Variants in ATG7 observed in about 807,000 individuals in gnomAD.
ATG7 encodes the protein autophagy related 7, also known as ubiquitin-like modifier-activating enzyme ATG7.
Under a neutral mutation model 82.4 loss-of-function variants are expected in ATG7, and 70 were observed. The ratio of observed to expected loss-of-function variants is 0.85; its 90% CI spans 0.70 to 1.04. ATG7 has a LOEUF of 1.04. Among genes scored for constraint, ATG7 ranks in the 50% least tolerant of loss-of-function variants. The pLI is 0.00. For missense variants in ATG7, 792 were observed against 864.3 expected, an observed-to-expected ratio of 0.92 and a Z score of 1.05; for synonymous variants, 287 against 313.0, an observed-to-expected ratio of 0.92 and a Z score of 0.88.
chr3:11,562,813 ACCCCGTGGC>A, the ATG7 span, among the ~76,000 whole-genome samples: 2 of 152,224 alleles, frequency 1.3e-5, no homozygotes, highest in Non-Finnish European at 2.9e-5. Flanking sequence ...AGCTTGGGGT[ACCCCGTGGC>A]CCCTGGCTTT....
At position 11,555,270 on chromosome 3, in the gene ATG7, G is replaced by A. The variant is rs145484725; in HGVS notation, c.*427G>A. On this transcript the variant is annotated 3_prime_UTR_variant, in exon 21 of 21. Transcript: ENST00000693202. ...CCCGGAATGTGCTGCCCACCGCACC[G>A]CAGGCTCCTCCTGTGGGGGCCCTGG... is the stretch of plus-strand genomic sequence containing the variant. The A allele has an allele frequency of 3.0e-3, 521 of 171,132 alleles. 3 individuals are homozygous for A. The highest frequency in any genetic ancestry group is 0.011 in the African/African-American group (482 of 42,218). 10.6% of individuals were successfully genotyped at this position (171,132 alleles called of 1,614,324 possible).
At chr3:11,438,946 A>G (rs901305202) in intron 20 of ATG7, among the ~76,000 whole-genome samples, 2 of 152,008 alleles carry the variant, frequency 1.3e-5, no homozygotes, top group African/African-American at 4.8e-5. Context: ...GACCCTTCTC[A>G]CTTGCAAACA....
At chr3:11,506,385 C>T (rs1342697364) in intron 20 of ATG7, among the ~76,000 whole-genome samples, 1 of 152,050 alleles carries the variant, frequency 6.6e-6, no homozygotes, top group Non-Finnish European at 1.5e-5. Context: ...AGCCTCTTGG[C>T]TAGAGGTTAC....
the ATG7 span, chr3:11,565,157 G>A: frequency 2.2e-6 from 2 of 896,154 alleles, no homozygotes; most frequent in East Asian, 3.3e-5. The surrounding 1 kb of genome is among the most constrained non-coding windows in gnomAD (Gnocchi z 4.1). Flanking sequence ...GCACGATGAG[G>A]AGCCGGTTGC....
At chr3:11,274,979 C>T (rs1176866937) in intron 1 of ATG7, among the ~76,000 whole-genome samples, 1 of 151,672 alleles carries the variant, frequency 6.6e-6, no homozygotes, top group Non-Finnish European at 1.5e-5. Context: ...TTACACTGGA[C>T]AGAAAAAGAC....
intron 20 of ATG7, among the ~76,000 whole-genome samples, chr3:11,551,318 A>G (rs1326580377): frequency 6.6e-6 from 1 of 152,216 alleles, no homozygotes; most frequent in Non-Finnish European, 1.5e-5. Context: ...CACATAGCCT[A>G]GAACCAGCTC....
chr3:11,329,321 A>T (rs554943983), intron 9 of ATG7, among the ~76,000 whole-genome samples: 1 of 152,302 alleles, frequency 6.6e-6, no homozygotes, highest in East Asian at 1.9e-4. Flanking sequence ...GTGGGAAATA[A>T]AAGGGAGTGT....
At chr3:11,496,801 A>T (rs149311484) in intron 20 of ATG7, among the ~76,000 whole-genome samples, 77 of 152,310 alleles carry the variant, frequency 5.1e-4, no homozygotes, top group African/African-American at 1.5e-3. Flanking sequence ...TAATACTTGG[A>T]TCTAAAATAA....
intron 3 of ATG7, among the ~76,000 whole-genome samples, chr3:11,290,823 T>C (rs1944866401): frequency 6.6e-6 from 1 of 152,138 alleles, no homozygotes; most frequent in South Asian, 2.1e-4. Context: ...TAGCTGGGAT[T>C]ATAGGCATGC....
At chr3:11,393,214 C>G (rs1178370507) in intron 19 of ATG7, among the ~76,000 whole-genome samples, 1 of 152,108 alleles carries the variant, frequency 6.6e-6, no homozygotes, top group African/African-American at 2.4e-5. Context: ...TATTTCCAGC[C>G]AACACATATA....
At chr3:11,283,801 G>A (rs550656645) in intron 3 of ATG7, among the ~76,000 whole-genome samples, 5 of 152,112 alleles carry the variant, frequency 3.3e-5, no homozygotes, top group East Asian at 3.9e-4. Flanking sequence ...GCATGGTGGC[G>A]CATGCCTGTA....
At chr3:11,418,659 C>T (rs2081637393) in intron 19 of ATG7, among the ~76,000 whole-genome samples, 1 of 152,170 alleles carries the variant, frequency 6.6e-6, no homozygotes, top group African/African-American at 2.4e-5. Flanking sequence ...TCTGCTCCAG[C>T]CTGTTGTGAT....
intron 20 of ATG7, among the ~76,000 whole-genome samples, chr3:11,452,410 G>GAAAAAAAAAAAAAAAA (rs2085286455): frequency 9.0e-6 from 1 of 110,716 alleles, no homozygotes. Flanking sequence ...AAAAAAAAAG[G>GAAAAAAAAAAAAAAAA]AAATGTTCTG....
intron 19 of ATG7, among the ~76,000 whole-genome samples, chr3:11,395,278 A>G (rs537054438): frequency 2.6e-5 from 4 of 152,346 alleles, no homozygotes; most frequent in South Asian, 4.1e-4. Flanking sequence ...TCTAACAGTC[A>G]TAATTGGAAA....
At chr3:11,432,799 T>C (rs1341702218) in intron 20 of ATG7, among the ~76,000 whole-genome samples, 1 of 152,130 alleles carries the variant, frequency 6.6e-6, no homozygotes, top group Admixed American at 6.5e-5. Context: ...ATTAGGGAAT[T>C]TTGCATAAAG....
chr3:11,436,246 G>A (rs1409448495), intron 20 of ATG7, among the ~76,000 whole-genome samples: 1 of 152,110 alleles, frequency 6.6e-6, no homozygotes, highest in Non-Finnish European at 1.5e-5. Flanking sequence ...TAGCCATTGG[G>A]ACAATACAAA....
intron 20 of ATG7, among the ~76,000 whole-genome samples, chr3:11,463,299 A>T (rs1211201128): frequency 6.6e-6 from 1 of 152,208 alleles, no homozygotes; most frequent in Non-Finnish European, 1.5e-5. Flanking sequence ...CAGGTTGCTG[A>T]CCAAAAGCAG....
intron 19 of ATG7, among the ~76,000 whole-genome samples, chr3:11,401,590 T>G (rs2079841385): frequency 6.6e-6 from 1 of 152,182 alleles, no homozygotes; most frequent in South Asian, 2.1e-4. Flanking sequence ...AACTTAGGGG[T>G]TTTTTAAATG....
intron 20 of ATG7, among the ~76,000 whole-genome samples, chr3:11,471,311 T>C (rs2087493800): frequency 6.6e-6 from 1 of 152,108 alleles, no homozygotes; most frequent in African/African-American, 2.4e-5. Context: ...GGCAAACACC[T>C]ACTTGGTCTT....
Sources: gnomAD v4.1 joint callset for allele counts (sites outside exome capture counted in the v4.1 genomes callset) on GRCh38, gnomAD v4.1.1 for gene constraint, Gnocchi (gnomAD v3.1) non-coding constraint, MANE v1.5 for transcripts, NCBI Gene and HGNC (gene_info 2026-07-23, HGNC 2026-07-21) for gene names.